Variants in CRACD observed in about 807,000 individuals in gnomAD.
The protein encoded by CRACD is capping protein-inhibiting regulator of actin dynamics.
Under a neutral mutation model 106.8 loss-of-function variants are expected in CRACD, and 56 were observed. That is an observed-to-expected ratio of 0.52 (90% CI 0.42 to 0.66). The LOEUF (loss-of-function observed/expected upper bound fraction) is 0.66. Among genes scored for constraint, CRACD ranks in the 30% least tolerant of loss-of-function variants. The pLI is 0.00. For missense variants in CRACD, 1,730 were observed against 1,623.2 expected, an observed-to-expected ratio of 1.07 and a Z score of -1.13; for synonymous variants, 754 against 670.8, an observed-to-expected ratio of 1.12 and a Z score of -1.92.
chr4:56,315,870 A>G lies in CRACD; in HGVS notation c.2368A>G (p.Lys790Glu), dbSNP rs1745598691. Reference sequence around the variant, plus strand: ...GCCCGCAGACACCACCGAGGGATGCAAATTTGCCAAAGACCTCCCGTCTTT... The same window carrying G: ...GCCCGCAGACACCACCGAGGGATGCGAATTTGCCAAAGACCTCCCGTCTTT... Reference protein sequence around the residue: ...REPADTTEGCKFAKDLPSFLV... With the variant: ...REPADTTEGCEFAKDLPSFLV... Residue 790 changes from lysine to glutamate, a missense_variant, in exon 8 of 11, where the codon AAA (lysine) becomes GAA (glutamate). By Grantham distance (56) the Lys-to-Glu change is moderately conservative. Around this residue, in one of 5 missense-constraint regions of CRACD, gnomAD observed 1,620 missense variants for 1,481.6 expected, o/e 1.09. Transcript: ENST00000682029. The surrounding 1 kb of genome is among the most constrained non-coding windows in gnomAD (Gnocchi z 4.1). 6.2e-7 allele frequency: 1 copy of G among 1,614,162 alleles called. No homozygotes were observed. The highest frequency in any genetic ancestry group is 8.5e-7 in the Non-Finnish European group (1 of 1,180,022).
At chr4:56,320,902 G>A in intron 8 of CRACD, 1 of 179,570 alleles carries the variant, frequency 5.6e-6, no homozygotes, top group Non-Finnish European at 1.2e-5. Flanking sequence ...AGCCTGTCAG[G>A]CACTGGCCTC....
intron 2 of CRACD, among the ~76,000 whole-genome samples, chr4:56,236,679 A>T (rs1739984721): frequency 6.6e-6 from 1 of 152,122 alleles, no homozygotes; most frequent in Non-Finnish European, 1.5e-5. Flanking sequence ...AATACCTTGA[A>T]AATGGGCAGC....
chr4:56,266,070 GA>G (rs58121402), intron 2 of CRACD, among the ~76,000 whole-genome samples: 31 of 147,046 alleles, frequency 2.1e-4, no homozygotes, highest in Admixed American at 7.4e-4. Context: ...TTTTTTAAAT[GA>G]AAAAAAAAAC....
chr4:56,121,809 A>G (rs13147017), intron 1 of CRACD, among the ~76,000 whole-genome samples: 79,865 of 152,108 alleles, frequency 0.53, 21,771 homozygotes, highest in African/African-American at 0.68. Context: ...ATAAATGTTT[A>G]TTAGAGATAT....
chr4:56,141,281 G>T (rs997659543), intron 1 of CRACD, among the ~76,000 whole-genome samples: 2 of 152,190 alleles, frequency 1.3e-5, no homozygotes, highest in Non-Finnish European at 2.9e-5. Flanking sequence ...AGTGGGGCAA[G>T]CTGATGGGAA....
At chr4:56,309,159 C>T (rs1023076142) in intron 5 of CRACD, 21 of 380,824 alleles carry the variant, frequency 5.5e-5, no homozygotes, top group African/African-American at 4.0e-4. Flanking sequence ...AGGAGTGTAG[C>T]AGGACCCTAG....
At chr4:56,224,164 A>G (rs1447347688) in intron 2 of CRACD, among the ~76,000 whole-genome samples, 1 of 151,436 alleles carries the variant, frequency 6.6e-6, no homozygotes, top group Non-Finnish European at 1.5e-5. Flanking sequence ...TTTTATTGGA[A>G]TTGCATTTGA....
intron 2 of CRACD, among the ~76,000 whole-genome samples, chr4:56,199,681 C>CAAAAAAAAAA (rs372264328): frequency 4.0e-5 from 4 of 101,256 alleles, no homozygotes; most frequent in Non-Finnish European, 5.7e-5. Context: ...AACTCCGTCT[C>CAAAAAAAAAA]AAAAAAAAAA....
At position 56,078,137 on chromosome 4, in the gene CRACD, C is replaced by T. The variant is rs146494985; in HGVS notation, c.-336+28838C>T. Among the ~76,000 whole-genome samples, 10 of 152,082 alleles carry T rather than the reference C, an allele frequency of 6.6e-5. No homozygotes were observed. The East Asian group carries it at 1.9e-3, about 29-fold the overall frequency. Reference sequence around the variant, plus strand: ...AATAATTGTACTTATTCATGTGGTACATTGGTGTTTTATGGTTGTGGAATT... The same window carrying T: ...AATAATTGTACTTATTCATGTGGTATATTGGTGTTTTATGGTTGTGGAATT... On this transcript the variant is annotated intron_variant, in intron 1 of 10. Transcript: ENST00000682029.
intron 2 of CRACD, among the ~76,000 whole-genome samples, chr4:56,179,782 C>G (rs1408912898): frequency 6.6e-6 from 1 of 152,146 alleles, no homozygotes; most frequent in Non-Finnish European, 1.5e-5. Flanking sequence ...CTTTAGGAAG[C>G]TGAGGCGGGC....
chr4:56,056,599 A>G (rs866175512), intron 1 of CRACD, among the ~76,000 whole-genome samples: 3 of 101,850 alleles, frequency 2.9e-5, no homozygotes, highest in Non-Finnish European at 6.5e-5. Flanking sequence ...AAAAAAAACC[A>G]AAAAAAAAAC....
chr4:56,125,108 G>T (rs542393718), intron 1 of CRACD, among the ~76,000 whole-genome samples: 1 of 152,288 alleles, frequency 6.6e-6, no homozygotes, highest in East Asian at 1.9e-4. Context: ...TACTTTCATA[G>T]TAAAGAAGAT....
intron 2 of CRACD, among the ~76,000 whole-genome samples, chr4:56,182,197 G>A (rs939901552): frequency 3.9e-5 from 6 of 151,980 alleles, no homozygotes; most frequent in South Asian, 2.1e-4. Context: ...CCTGGGCAAC[G>A]TGGCAAAATC....
chr4:56,116,267 T>G (rs182216185), intron 1 of CRACD, among the ~76,000 whole-genome samples: 10 of 152,298 alleles, frequency 6.6e-5, no homozygotes, highest in African/African-American at 2.4e-4. Context: ...AAGGGAACTT[T>G]CCTGAGGAAA....
intron 1 of CRACD, among the ~76,000 whole-genome samples, chr4:56,058,221 C>T (rs1048918762): frequency 7.2e-5 from 11 of 152,132 alleles, no homozygotes; most frequent in Admixed American, 7.2e-4. Context: ...AGTTGTGTGC[C>T]ACCACGCCTG....
At position 56,202,652 on chromosome 4, in the gene CRACD, T is replaced by C. The variant is rs979792449; in HGVS notation, c.-189+23222T>C. On this transcript the variant is annotated intron_variant, in intron 2 of 10. Transcript: ENST00000682029. ...TCTTTGAGGAACAAACTTTAATGAA[T>C]AGGTTTTAAAAAATTCTAATTAGTA... is the stretch of plus-strand genomic sequence containing the variant. 3.3e-5 allele frequency among the ~76,000 whole-genome samples: 5 copies of C among 152,168 alleles called. No homozygotes were observed. In the East Asian group the frequency reaches 5.8e-4, roughly 18 times the overall value.
At chr4:56,055,646 C>G (rs1041573967) in intron 1 of CRACD, among the ~76,000 whole-genome samples, 1 of 152,198 alleles carries the variant, frequency 6.6e-6, no homozygotes, top group Non-Finnish European at 1.5e-5. Context: ...GACTTTCTCT[C>G]CACCAGAGTG....
At chr4:56,148,194 G>C (rs1735460098) in intron 1 of CRACD, among the ~76,000 whole-genome samples, 1 of 151,942 alleles carries the variant, frequency 6.6e-6, no homozygotes. Flanking sequence ...TTAGCATCCA[G>C]TACTAAGGTT....
chr4:56,322,694 G>C (rs1448308657), intron 8 of CRACD, among the ~76,000 whole-genome samples: 1 of 151,980 alleles, frequency 6.6e-6, no homozygotes, highest in East Asian at 1.9e-4. Flanking sequence ...TTCTTTGAGG[G>C]GAAAAAATGG....
Sources: allele counts gnomAD v4.1 joint callset (sites outside exome capture counted in the v4.1 genomes callset), GRCh38; gene constraint gnomAD v4.1.1; regional missense constraint gnomAD v4.1.1; non-coding constraint Gnocchi (gnomAD v3.1); transcripts MANE v1.5; gene names NCBI Gene and HGNC (gene_info 2026-07-23, HGNC 2026-07-21).